The following CCDC33 variants were observed in gnomAD, a reference collection of about 807,000 sequenced individuals.
CCDC33 encodes coiled-coil domain containing 33.
CCDC33 carries 94 observed loss-of-function variants against 91.9 expected under a neutral mutation model. The observed-to-expected ratio is 1.02, with a 90% CI of 0.87 to 1.21. The LOEUF (loss-of-function observed/expected upper bound fraction) is 1.21, where lower values mean the gene tolerates loss of function less well. CCDC33 is among the 50% of genes most tolerant of loss of function. CCDC33 has a pLI of 0.00. For missense variants in CCDC33, 940 were observed against 935.5 expected (o/e 1.00, Z -0.06); for synonymous variants, 396 against 374.5 (o/e 1.06, Z -0.66).
upstream of CCDC33, among the ~76,000 whole-genome samples, chr15:74,232,782 G>T (rs770986534): frequency 2.0e-5 from 3 of 152,254 alleles, no homozygotes; most frequent in Non-Finnish European, 2.9e-5. Context: ...AACGCGGACA[G>T]TGAAGTCCCC....
chr15:74,322,592 C>A (rs1313532668), intron 11 of CCDC33, among the ~76,000 whole-genome samples: 1 of 152,210 alleles, frequency 6.6e-6, no homozygotes, highest in Admixed American at 6.5e-5. Context: ...GGTTCCAGGG[C>A]TAGAGGTCTT....
At chr15:74,313,325 C>G in intron 11 of CCDC33, among the ~76,000 whole-genome samples, 1 of 152,096 alleles carries the variant, frequency 6.6e-6, no homozygotes, top group East Asian at 1.9e-4. Flanking sequence ...CAGCCAACAT[C>G]CCAGCCTACT....
chr15:74,289,681 G>T (rs2059548769), intron 10 of CCDC33, among the ~76,000 whole-genome samples: 2 of 152,286 alleles, frequency 1.3e-5, no homozygotes, highest in Admixed American at 6.5e-5. Flanking sequence ...TGCCACTTGG[G>T]GGTGCTGGGG....
At chr15:74,234,736 C>A (rs1175632216), upstream of CCDC33, among the ~76,000 whole-genome samples, 13 of 152,312 alleles carry the variant, frequency 8.5e-5, 1 homozygote, top group Non-Finnish European at 1.6e-4. Flanking sequence ...AGGAGGGTAG[C>A]TGGGTGAGAG....
At chr15:74,254,560 G>A (rs988797134) in intron 2 of CCDC33, among the ~76,000 whole-genome samples, 17 of 152,092 alleles carry the variant, frequency 1.1e-4, no homozygotes, top group African/African-American at 4.1e-4. Context: ...CTCCACACAT[G>A]TATAAGTAGG....
At chr15:74,304,642 C>T (rs2059857960) in intron 11 of CCDC33, 1 of 152,414 alleles carries the variant, frequency 6.6e-6, no homozygotes, top group African/African-American at 2.4e-5. Flanking sequence ...TCCCCCACTC[C>T]ACACGCCCTG....
chr15:74,234,091 A>G (rs1595904389), upstream of CCDC33, among the ~76,000 whole-genome samples: 1 of 152,126 alleles, frequency 6.6e-6, no homozygotes, highest in African/African-American at 2.4e-5. Flanking sequence ...ACATCTGTCT[A>G]CCCAGATTCT....
intron 2 of CCDC33, among the ~76,000 whole-genome samples, chr15:74,230,939 T>C (rs1171731326): frequency 1.3e-5 from 2 of 152,204 alleles, no homozygotes; most frequent in Non-Finnish European, 2.9e-5. Context: ...ATGCTTTTTT[T>C]CTTTGCTGCC....
At chr15:74,242,024 CT>C (rs2075364900) in intron 1 of CCDC33, among the ~76,000 whole-genome samples, 1 of 152,184 alleles carries the variant, frequency 6.6e-6, no homozygotes, top group African/African-American at 2.4e-5. Flanking sequence ...GGGTGTGTGG[CT>C]CCGATTGGTG....
chr15:74,290,180 T>TC (rs908793055), intron 10 of CCDC33, among the ~76,000 whole-genome samples: 2 of 102,194 alleles, frequency 2.0e-5, no homozygotes, highest in African/African-American at 2.8e-5. Context: ...AGGTTTCTTT[T>TC]CCTTTTTTTT....
At position 74,240,296 on chromosome 15, in the gene CCDC33, A is replaced by C. The variant is rs2075305718; in HGVS notation, c.21+3556A>C. Reference sequence around the variant, plus strand: ...GTGTGACTCCTGGCCAGGTCTGCAGATGCCTAGTTGGGCTCTGGGGCTGCC... The same window carrying C: ...GTGTGACTCCTGGCCAGGTCTGCAGCTGCCTAGTTGGGCTCTGGGGCTGCC... On this transcript the variant is annotated intron_variant, in intron 1 of 18. Coordinates refer to ENST00000398814, the MANE Select transcript of CCDC33 (RefSeq NM_025055.5). 2.0e-5 allele frequency among the ~76,000 whole-genome samples: 3 copies of C among 152,230 alleles called. No individual in the cohort carries two copies. In the South Asian group the frequency reaches 6.2e-4, roughly 31 times the overall value.
At chr15:74,220,844 G>A (rs2074569886) in intron 2 of CCDC33, among the ~76,000 whole-genome samples, 1 of 152,154 alleles carries the variant, frequency 6.6e-6, no homozygotes. Context: ...AATGAAGACA[G>A]GTCCTTCAGA....
At chr15:74,306,320 A>C (rs2059893275) in intron 11 of CCDC33, among the ~76,000 whole-genome samples, 1 of 152,190 alleles carries the variant, frequency 6.6e-6, no homozygotes, top group African/African-American at 2.4e-5. Context: ...CCTAACCCCC[A>C]TCAACTCCCA....
At chr15:74,336,242 A>G, downstream of CCDC33, 8 of 1,421,238 alleles carry the variant, frequency 5.6e-6, no homozygotes, top group South Asian at 8.4e-5. Flanking sequence ...GCAGCCTTAC[A>G]GCCTCCCGCC....
chr15:74,211,666 A>G (rs2074370260), intron 2 of CCDC33, among the ~76,000 whole-genome samples: 1 of 151,868 alleles, frequency 6.6e-6, no homozygotes, highest in Non-Finnish European at 1.5e-5. Context: ...GGCCTCCCAA[A>G]GTGCTGGGAT....
intron 10 of CCDC33, among the ~76,000 whole-genome samples, chr15:74,289,143 G>A (rs542245993): frequency 1.7e-4 from 26 of 152,280 alleles, no homozygotes; most frequent in South Asian, 2.1e-4. Context: ...CACCAGCTTC[G>A]CATCCATAAG....
intron 11 of CCDC33, among the ~76,000 whole-genome samples, chr15:74,317,682 G>T (rs1313137856): frequency 6.6e-6 from 1 of 152,200 alleles, no homozygotes; most frequent in Non-Finnish European, 1.5e-5. Context: ...GCTAGGTCCA[G>T]GTGGAGGGCC....
chr15:74,301,750 T>A (rs2059798402), intron 11 of CCDC33: 1 of 152,164 alleles, frequency 6.6e-6, no homozygotes, highest in Non-Finnish European at 1.5e-5. Flanking sequence ...TATGGAAGAA[T>A]TGTGTATTCA....
intron 11 of CCDC33, among the ~76,000 whole-genome samples, chr15:74,326,179 G>A (rs1378479378): frequency 6.6e-6 from 1 of 152,184 alleles, no homozygotes; most frequent in Non-Finnish European, 1.5e-5. Flanking sequence ...TTAAAAATTA[G>A]CCAGGCATGG....
Sources: gnomAD v4.1 joint callset for allele counts (sites outside exome capture counted in the v4.1 genomes callset) on GRCh38, gnomAD v4.1.1 for gene constraint, MANE v1.5 for transcripts, NCBI Gene and HGNC (gene_info 2026-07-23, HGNC 2026-07-21) for gene names.